The following ANO3 variants were observed in gnomAD, a reference collection of about 807,000 sequenced individuals.
The protein encoded by ANO3 is anoctamin-3.
Under a neutral mutation model 144.8 loss-of-function variants are expected in ANO3, and 99 were observed. The ratio of observed to expected loss-of-function variants is 0.68; its 90% CI spans 0.58 to 0.81. The LOEUF (loss-of-function observed/expected upper bound fraction) is 0.81, where lower values mean the gene tolerates loss of function less well. Among genes scored for constraint, ANO3 ranks in the 30% least tolerant of loss-of-function variants. ANO3 has a pLI of 0.00. For missense variants in ANO3, 905 were observed against 1,202.2 expected (o/e 0.75, Z 3.66); for synonymous variants, 414 against 392.6 (o/e 1.05, Z -0.64).
chr11:26,556,307 C>T (rs947032667), intron 13 of ANO3, among the ~76,000 whole-genome samples: 5 of 151,526 alleles, frequency 3.3e-5, no homozygotes, highest in African/African-American at 1.2e-4. Context: ...ATGACTCAAC[C>T]CCTTGAAGTT....
At chr11:26,240,021 G>T (rs879274221) in intron 1 of ANO3, among the ~76,000 whole-genome samples, 1 of 152,114 alleles carries the variant, frequency 6.6e-6, no homozygotes, top group African/African-American at 2.4e-5. Context: ...GTAAGATGTG[G>T]ATCTCATTTG....
intron 1 of ANO3, among the ~76,000 whole-genome samples, chr11:26,370,376 A>G (rs1429947667): frequency 6.6e-6 from 1 of 152,214 alleles, no homozygotes; most frequent in Non-Finnish European, 1.5e-5. Context: ...TGCTGAGTCA[A>G]TTAAACCTCT....
intron 6 of ANO3, among the ~76,000 whole-genome samples, chr11:26,524,941 A>G (rs935673352): frequency 6.6e-6 from 1 of 152,144 alleles, no homozygotes; most frequent in Non-Finnish European, 1.5e-5. Flanking sequence ...CTAGAATGTC[A>G]TGTGTAACCT....
intron 1 of ANO3, among the ~76,000 whole-genome samples, chr11:26,317,125 C>T (rs917876124): frequency 6.6e-6 from 1 of 152,044 alleles, no homozygotes; most frequent in Admixed American, 6.6e-5. Flanking sequence ...CTGGGTAGCA[C>T]ACTGTCGTAG....
intron 1 of ANO3, among the ~76,000 whole-genome samples, chr11:26,266,583 G>A (rs925808702): frequency 6.6e-6 from 1 of 151,208 alleles, no homozygotes; most frequent in African/African-American, 2.4e-5. Flanking sequence ...ACAGGCGTCC[G>A]CCACCAAACC....
At chr11:26,295,420 G>A (rs1432165494) in intron 1 of ANO3, among the ~76,000 whole-genome samples, 2 of 150,630 alleles carry the variant, frequency 1.3e-5, no homozygotes, top group Non-Finnish European at 3.0e-5. Context: ...AGCTACTCCG[G>A]AGGCTGAGGC....
intron 1 of ANO3, among the ~76,000 whole-genome samples, chr11:26,385,757 G>A (rs1856707613): frequency 6.9e-6 from 1 of 144,196 alleles, no homozygotes; most frequent in Non-Finnish European, 1.5e-5. Flanking sequence ...TGAGAAGGGG[G>A]AATATTAAAC....
At chr11:26,381,703 C>G (rs1250724670) in intron 1 of ANO3, among the ~76,000 whole-genome samples, 1 of 152,148 alleles carries the variant, frequency 6.6e-6, no homozygotes, top group Non-Finnish European at 1.5e-5. Context: ...TGCCATATCT[C>G]TACCTTCAAC....
intron 1 of ANO3, among the ~76,000 whole-genome samples, chr11:26,192,543 T>A (rs1851498400): frequency 6.6e-6 from 1 of 152,242 alleles, no homozygotes; most frequent in Non-Finnish European, 1.5e-5. Context: ...TTTATACCTT[T>A]CATTTACATA....
At chr11:26,493,384 A>G (rs1995800) in intron 4 of ANO3, among the ~76,000 whole-genome samples, 111,324 of 152,036 alleles carry the variant, frequency 0.73, 41,247 homozygotes, top group Middle Eastern at 0.83. Context: ...ACTGCTGTGG[A>G]CAGTTCCAGG....
chr11:26,387,220 C>A (rs1308696863), intron 1 of ANO3, among the ~76,000 whole-genome samples: 1 of 151,136 alleles, frequency 6.6e-6, no homozygotes. Flanking sequence ...GAGCCGTCCA[C>A]CTCAGCCTCC....
intron 1 of ANO3, among the ~76,000 whole-genome samples, chr11:26,200,991 C>T (rs1258971860): frequency 6.6e-6 from 1 of 152,036 alleles, no homozygotes; most frequent in African/African-American, 2.4e-5. Context: ...ATTTTATTTA[C>T]TTACATTTAG....
At chr11:26,264,158 T>A (rs1262721727) in intron 1 of ANO3, among the ~76,000 whole-genome samples, 1 of 152,220 alleles carries the variant, frequency 6.6e-6, no homozygotes, top group Non-Finnish European at 1.5e-5. Context: ...CTGCAAGTTG[T>A]TCAAGGAAAT....
chr11:26,448,807 T>A (rs907486461), intron 3 of ANO3, among the ~76,000 whole-genome samples: 1 of 152,172 alleles, frequency 6.6e-6, no homozygotes, highest in East Asian at 1.9e-4. Flanking sequence ...TTGCCTCAAT[T>A]TTCAAAATAT....
intron 17 of ANO3, among the ~76,000 whole-genome samples, chr11:26,611,832 T>G (rs762445704): frequency 8.6e-5 from 13 of 150,862 alleles, no homozygotes; most frequent in Admixed American, 5.3e-4. Flanking sequence ...TACCCTCTTG[T>G]TGAATGGATC....
At chr11:26,293,897 A>T (rs1361939269) in intron 1 of ANO3, among the ~76,000 whole-genome samples, 2 of 152,084 alleles carry the variant, frequency 1.3e-5, no homozygotes, top group Non-Finnish European at 2.9e-5. Context: ...CACTAGAATG[A>T]TTAAGTAACA....
At chr11:26,372,342 A>G (rs1180581139) in intron 1 of ANO3, among the ~76,000 whole-genome samples, 1 of 152,196 alleles carries the variant, frequency 6.6e-6, no homozygotes, top group African/African-American at 2.4e-5. Flanking sequence ...TGAGTCAATT[A>G]AACCTCTTTG....
chr11:26,589,394 A>G (rs1336764083), intron 14 of ANO3, among the ~76,000 whole-genome samples: 1 of 150,358 alleles, frequency 6.7e-6, no homozygotes, highest in East Asian at 2.0e-4. Context: ...AGGAGAAAAA[A>G]CCTCAGTACC....
intron 13 of ANO3, among the ~76,000 whole-genome samples, chr11:26,555,660 G>A (rs1850063217): frequency 6.6e-6 from 1 of 152,122 alleles, no homozygotes; most frequent in South Asian, 2.1e-4. Flanking sequence ...AGGATGAAAT[G>A]TCTTTTATTT....
Sources: allele counts gnomAD v4.1 joint callset (sites outside exome capture counted in the v4.1 genomes callset), GRCh38; gene constraint gnomAD v4.1.1; transcripts MANE v1.5; gene names NCBI Gene and HGNC (gene_info 2026-07-23, HGNC 2026-07-21).